PRKG1: variants seen among roughly 807,000 people sequenced by gnomAD.
The protein encoded by PRKG1 is cGMP-dependent protein kinase 1.
Under a neutral mutation model 88.1 loss-of-function variants are expected in PRKG1, and 35 were observed. The ratio of observed to expected loss-of-function variants is 0.40; its 90% CI spans 0.30 to 0.53. PRKG1 has a LOEUF of 0.53. PRKG1 is among the 20% of genes least tolerant of loss of function. The pLI, the probability that PRKG1 is intolerant of heterozygous loss-of-function variation, is 0.59. For synonymous variants in PRKG1, 303 were observed against 292.5 expected (o/e 1.04, Z -0.37); for missense variants, 540 against 839.8 (o/e 0.64, Z 4.41).
chr10:51,401,773 G>A (rs528197635), intron 2 of PRKG1, among the ~76,000 whole-genome samples: 1 of 152,250 alleles, frequency 6.6e-6, no homozygotes, highest in South Asian at 2.1e-4. Flanking sequence ...GAACCAGGAA[G>A]TGTTTATCCA....
intron 3 of PRKG1, among the ~76,000 whole-genome samples, chr10:51,719,591 C>T (rs148409011): frequency 4.6e-5 from 7 of 152,190 alleles, no homozygotes; most frequent in Non-Finnish European, 8.8e-5. Flanking sequence ...ACACAAAATC[C>T]TGGATTAAAT....
intron 3 of PRKG1, among the ~76,000 whole-genome samples, chr10:51,647,150 T>A (rs200546202): frequency 1.2e-3 from 159 of 131,968 alleles, no homozygotes; most frequent in African/African-American, 1.2e-3. Context: ...GAGATCAAGA[T>A]AAAAAAAAAA....
intron 1 of PRKG1, among the ~76,000 whole-genome samples, chr10:51,141,278 T>C (rs1753390256): frequency 6.6e-6 from 1 of 152,234 alleles, no homozygotes; most frequent in South Asian, 2.1e-4. Context: ...TTACTTTTTG[T>C]ACTCAACCTC....
chr10:51,262,723 G>A (rs1034239629), intron 2 of PRKG1, among the ~76,000 whole-genome samples: 1 of 152,100 alleles, frequency 6.6e-6, no homozygotes, highest in Admixed American at 6.5e-5. Context: ...TGGCAGAAGG[G>A]GAAGGAGAAG....
intron 7 of PRKG1, among the ~76,000 whole-genome samples, chr10:52,066,783 A>AT (rs1846366004): frequency 1.3e-5 from 2 of 152,210 alleles, no homozygotes; most frequent in Admixed American, 1.3e-4. Flanking sequence ...TTGTAATCTG[A>AT]TTTTTTAAAA....
At chr10:51,200,722 A>G (rs1191648630) in intron 2 of PRKG1, among the ~76,000 whole-genome samples, 1 of 152,204 alleles carries the variant, frequency 6.6e-6, no homozygotes, top group African/African-American at 2.4e-5. Context: ...AACCATTTTT[A>G]TTAGAGCTTT....
intron 2 of PRKG1, among the ~76,000 whole-genome samples, chr10:51,239,820 G>T (rs1227452806): frequency 6.6e-6 from 1 of 152,170 alleles, no homozygotes; most frequent in Non-Finnish European, 1.5e-5. Flanking sequence ...CAGGCAGGTT[G>T]TTTTACATGT....
At chr10:51,502,791 G>A (rs895248596) in intron 3 of PRKG1, among the ~76,000 whole-genome samples, 4 of 152,174 alleles carry the variant, frequency 2.6e-5, no homozygotes, top group African/African-American at 7.2e-5. Context: ...CTAGAGGTCA[G>A]CGTTGAATTA....
At chr10:51,735,840 A>AG (rs1396133875) in intron 3 of PRKG1, among the ~76,000 whole-genome samples, 1 of 137,062 alleles carries the variant, frequency 7.3e-6, no homozygotes, top group Admixed American at 7.7e-5. Flanking sequence ...GATATGGGGC[A>AG]GGGGGCCTGA....
chr10:51,383,376 C>T (rs1345660186), intron 2 of PRKG1, among the ~76,000 whole-genome samples: 1 of 152,080 alleles, frequency 6.6e-6, no homozygotes, highest in Non-Finnish European at 1.5e-5. Flanking sequence ...TAGAAGGCAG[C>T]AAACACTTAT....
intron 5 of PRKG1, among the ~76,000 whole-genome samples, chr10:52,049,737 C>G (rs987413585): frequency 1.3e-5 from 2 of 151,896 alleles, no homozygotes; most frequent in Non-Finnish European, 2.9e-5. Context: ...GAAGTAGAAG[C>G]CTTTCTAATA....
chr10:52,175,918 C>T (rs1838852007), intron 9 of PRKG1, among the ~76,000 whole-genome samples: 1 of 152,024 alleles, frequency 6.6e-6, no homozygotes, highest in African/African-American at 2.4e-5. Flanking sequence ...GAATAGTTTG[C>T]AAATATTTTC....
intron 2 of PRKG1, among the ~76,000 whole-genome samples, chr10:51,316,201 A>C (rs557809366): frequency 3.7e-4 from 56 of 152,294 alleles, no homozygotes; most frequent in African/African-American, 1.3e-3. Flanking sequence ...CCCTTGGGTA[A>C]AGTTTGTATG....
At chr10:51,106,550 G>A (rs1844835895) in intron 1 of PRKG1, among the ~76,000 whole-genome samples, 1 of 152,148 alleles carries the variant, frequency 6.6e-6, no homozygotes, top group Non-Finnish European at 1.5e-5. Context: ...GAGGGGAAAA[G>A]TCTGTGCCCG....
intron 1 of PRKG1, among the ~76,000 whole-genome samples, chr10:51,106,551 T>C (rs1307989709): frequency 6.6e-6 from 1 of 152,164 alleles, no homozygotes; most frequent in Non-Finnish European, 1.5e-5. Flanking sequence ...AGGGGAAAAG[T>C]CTGTGCCCGC....
At chr10:51,058,069 G>A (rs1843651383) in intron 1 of PRKG1, among the ~76,000 whole-genome samples, 1 of 152,076 alleles carries the variant, frequency 6.6e-6, no homozygotes, top group African/African-American at 2.4e-5. Flanking sequence ...GTGTGAGATT[G>A]AAGTTTTAAT....
At chr10:51,928,154 A>G (rs1842617472) in intron 5 of PRKG1, among the ~76,000 whole-genome samples, 1 of 152,188 alleles carries the variant, frequency 6.6e-6, no homozygotes, top group Admixed American at 6.6e-5. Context: ...AAAAAGCTCA[A>G]GGGCCAGAAA....
chr10:51,659,028 C>T (rs141148518), intron 3 of PRKG1, among the ~76,000 whole-genome samples: 2,066 of 152,148 alleles, frequency 0.014, 21 homozygotes, highest in Non-Finnish European at 0.021. Context: ...AGATCACCAG[C>T]GAATTCTCTG....
chr10:51,289,752 G>A (rs1840534259), intron 2 of PRKG1, among the ~76,000 whole-genome samples: 1 of 151,954 alleles, frequency 6.6e-6, no homozygotes, highest in South Asian at 2.1e-4. Flanking sequence ...GGGTTTTTGT[G>A]TGTGTAATAT....
Sources: gnomAD v4.1 joint callset for allele counts (sites outside exome capture counted in the v4.1 genomes callset) on GRCh38, gnomAD v4.1.1 for gene constraint, MANE v1.5 for transcripts, NCBI Gene and HGNC (gene_info 2026-07-23, HGNC 2026-07-21) for gene names.